The following KBTBD11 variants were observed in gnomAD, a reference collection of about 807,000 sequenced individuals.
The protein encoded by KBTBD11 is kelch repeat and BTB domain-containing protein 11.
For synonymous variants in KBTBD11, 747 were observed against 499.0 expected (o/e 1.50, Z -6.63); for missense variants, 1,390 against 1,001.8 (o/e 1.39, Z -5.23).
chr8:1,987,384 A>G (rs551409425), intron 1 of KBTBD11, among the ~76,000 whole-genome samples: 8 of 152,310 alleles, frequency 5.3e-5, no homozygotes, highest in East Asian at 3.9e-4. Context: ...GAGTCGCTCA[A>G]TCAATCCTTT....
At chr8:1,993,826 G>A (rs952887727) in intron 1 of KBTBD11, among the ~76,000 whole-genome samples, 3 of 151,736 alleles carry the variant, frequency 2.0e-5, no homozygotes, top group African/African-American at 7.3e-5. Context: ...TAAAGAAGGA[G>A]CAAGAATTCT....
At chr8:1,991,564 C>T (rs1304549839) in intron 1 of KBTBD11, among the ~76,000 whole-genome samples, 2 of 151,358 alleles carry the variant, frequency 1.3e-5, no homozygotes, top group South Asian at 4.1e-4. Flanking sequence ...GAGGGCAGGG[C>T]CCTTGCTCCT....
chr8:2,001,228 A>T lies in KBTBD11; in HGVS notation c.36A>T (p.Pro12=). ...EHAVAPCVLY[P]GTEPGAAGES... Reference sequence around the variant, plus strand: ...CGGTGGCCCCCTGCGTCCTCTACCCAGGGACTGAGCCCGGGGCTGCCGGGG... The same window carrying T: ...CGGTGGCCCCCTGCGTCCTCTACCCTGGGACTGAGCCCGGGGCTGCCGGGG... The change falls in exon 2 of 2, where the codon CCA becomes CCT. Residue 12 remains proline, a synonymous_variant. Transcript: ENST00000320248. 6.8e-7 allele frequency: 1 copy of T among 1,468,690 alleles called. No individual in the cohort carries two copies. The highest frequency in any genetic ancestry group is 9.0e-7 in the Non-Finnish European group (1 of 1,112,520). 91.0% of individuals were successfully genotyped at this position (1,468,690 alleles called of 1,614,324 possible).
At chr8:1,988,146 G>A (rs9657386) in intron 1 of KBTBD11, among the ~76,000 whole-genome samples, 1 of 151,938 alleles carries the variant, frequency 6.6e-6, no homozygotes, top group African/African-American at 2.4e-5. Context: ...GGACATTTGG[G>A]TTGGTTCCAA....
chr8:2,003,057 C>T lies in KBTBD11; in HGVS notation c.1865C>T (p.Ala622Val). The T allele has an allele frequency of 7.9e-7, 1 of 1,264,230 alleles. No individual in the cohort carries two copies. Among genetic ancestry groups the T allele is most frequent in the Non-Finnish European group, 1.0e-6 (1 of 1,001,806 alleles). 78.3% of individuals were successfully genotyped at this position (1,264,230 alleles called of 1,614,324 possible). ...PEKPPRGEQG[A>V]P ...AAGCCGCCCCGAGGGGAGCAGGGCG[C>T]CCCGTAGGCCGGCGGGGTCGGCGGG... Residue 622 changes from alanine to valine, a missense_variant, in exon 2 of 2, where the codon GCC becomes GTC. Coordinates refer to ENST00000320248, the MANE Select transcript of KBTBD11 (RefSeq NM_014867.3).
chr8:1,989,080 T>C (rs1325341524), intron 1 of KBTBD11, among the ~76,000 whole-genome samples: 1 of 152,186 alleles, frequency 6.6e-6, no homozygotes, highest in African/African-American at 2.4e-5. Context: ...GAGCTGGACA[T>C]TTCAGGAGAG....
intron 1 of KBTBD11, among the ~76,000 whole-genome samples, chr8:1,988,956 G>A (rs181942059): frequency 3.4e-4 from 52 of 152,290 alleles, no homozygotes; most frequent in African/African-American, 1.2e-3. Flanking sequence ...TCTCATTTCC[G>A]ATTCCAGCTG....
At chr8:1,976,097 C>G (rs547157032) in intron 1 of KBTBD11, 5 of 152,314 alleles carry the variant, frequency 3.3e-5, no homozygotes, top group Admixed American at 6.5e-5. Context: ...GCCTCTAAGC[C>G]TCCTTGCATC....
intron 1 of KBTBD11, chr8:1,974,258 C>G: frequency 2.1e-6 from 2 of 975,308 alleles, no homozygotes; most frequent in African/African-American, 1.8e-5. Flanking sequence ...CTCGCGGGGT[C>G]TCCACAGGCC....
intron 1 of KBTBD11, among the ~76,000 whole-genome samples, chr8:1,994,443 G>A (rs546473494): frequency 1.3e-4 from 20 of 152,376 alleles, no homozygotes; most frequent in African/African-American, 4.8e-4. Flanking sequence ...AGACAGGGCC[G>A]GGAGTCTGAA....
intron 1 of KBTBD11, among the ~76,000 whole-genome samples, chr8:1,985,531 A>G (rs1816682919): frequency 6.6e-6 from 1 of 152,272 alleles, no homozygotes; most frequent in Non-Finnish European, 1.5e-5. Flanking sequence ...CCTGGGTGCC[A>G]TGTGGCGTTT....
In KBTBD11 at chr8:2,002,656, C is replaced by G; in HGVS notation, c.1464C>G (p.Ser488Arg). The change falls in exon 2 of 2, where the codon AGC becomes AGG. Residue 488 changes from serine to arginine, a missense_variant. Transcript: ENST00000320248. This position sits in a 1 kb window ranked among gnomAD's most constrained non-coding sequence, Gnocchi z 4.1. The part of the protein sequence containing the change: ...DEWQECPCSS[S>R]RERSADMVAL... The stretch of plus-strand genomic sequence containing the variant: ...GGCAGGAGTGCCCGTGCAGCAGCAG[C>G]CGCGAGCGCTCGGCCGACATGGTGG... The G allele has an allele frequency of 6.3e-7, 1 of 1,575,558 alleles. No homozygotes were observed. Among genetic ancestry groups the G allele is most frequent in the East Asian group, 2.3e-5 (1 of 43,000 alleles).
chr8:1,986,804 C>A (rs139647161), intron 1 of KBTBD11, among the ~76,000 whole-genome samples: 1 of 152,122 alleles, frequency 6.6e-6, no homozygotes, highest in Non-Finnish European at 1.5e-5. Flanking sequence ...AAGAAACGCT[C>A]ATGGATCCCA....
At chr8:1,985,952 C>G (rs1365194220) in intron 1 of KBTBD11, among the ~76,000 whole-genome samples, 1 of 152,262 alleles carries the variant, frequency 6.6e-6, no homozygotes, top group African/African-American at 2.4e-5. Flanking sequence ...TGCATCCACA[C>G]TCCCGCGTGG....
intron 1 of KBTBD11, among the ~76,000 whole-genome samples, chr8:1,987,029 A>G (rs1224026413): frequency 1.4e-5 from 2 of 146,004 alleles, no homozygotes; most frequent in East Asian, 3.9e-4. Context: ...AAAAAAAAAA[A>G]AAAACCACGC....
chr8:1,992,371 A>G (rs914118394), intron 1 of KBTBD11, among the ~76,000 whole-genome samples: 4 of 151,826 alleles, frequency 2.6e-5, no homozygotes, highest in Non-Finnish European at 5.9e-5. Context: ...CCCCAGATAC[A>G]CTCAGAGAGG....
rs146666228 is a variant in KBTBD11 at position 2,002,590 on chromosome 8, C to A, written c.1398C>A (p.Leu466=). 3.0e-5 allele frequency: 48 copies of A among 1,584,494 alleles called. No homozygotes were observed. Among genetic ancestry groups the A allele is most frequent in the Non-Finnish European group, 3.5e-5 (41 of 1,174,278 alleles). ...HGEIYVSGGS[L]FYRLLKYDPR... ...AGATCTACGTGTCCGGGGGCTCCCT[C>A]TTCTATCGCCTGCTCAAGTATGACC... Residue 466 remains leucine, a synonymous_variant, in exon 2 of 2, where the codon CTC becomes CTA. Transcript: ENST00000320248. The surrounding 1 kb of genome is among the most constrained non-coding windows in gnomAD (Gnocchi z 4.1).
intron 1 of KBTBD11, among the ~76,000 whole-genome samples, chr8:1,991,336 C>T (rs1231084186): frequency 5.9e-5 from 9 of 152,230 alleles, no homozygotes; most frequent in Admixed American, 5.9e-4. Context: ...ATTACAGTTT[C>T]CAAGGATGGG....
intron 1 of KBTBD11, among the ~76,000 whole-genome samples, chr8:1,986,837 G>A (rs11785522): frequency 0.95 from 144,303 of 152,178 alleles, 68,490 homozygotes; most frequent in East Asian, 1. Context: ...ACATGTTATC[G>A]TTTTGCCACT....
Sources: gnomAD v4.1 joint callset for allele counts (sites outside exome capture counted in the v4.1 genomes callset) on GRCh38, gnomAD v4.1.1 for gene constraint, Gnocchi (gnomAD v3.1) non-coding constraint, MANE v1.5 for transcripts, NCBI Gene and HGNC (gene_info 2026-07-23, HGNC 2026-07-21) for gene names.